SRP72: variants seen among roughly 807,000 people sequenced by gnomAD.
The protein encoded by SRP72 is signal recognition particle 72.
Under a neutral mutation model 96.3 loss-of-function variants are expected in SRP72, and 49 were observed. That is an observed-to-expected ratio of 0.51 (90% CI 0.40 to 0.65). The LOEUF is 0.65. Ranked by LOEUF, SRP72 falls within the 30% of genes least tolerant of loss-of-function variation. SRP72 has a pLI of 0.00. For missense variants in SRP72, 736 were observed against 793.3 expected (o/e 0.93, Z 0.87); for synonymous variants, 267 against 275.2 (o/e 0.97, Z 0.30).
chr4:56,491,456 G>C lies in SRP72; in HGVS notation c.1528G>C (p.Asp510His). 1 of 1,613,936 alleles carries C rather than the reference G, an allele frequency of 6.2e-7. No individual in the cohort carries two copies. Residue 510 changes from aspartate to histidine, a missense_variant, in exon 16 of 19, where the codon GAT becomes CAT. Asp to His is a moderately conservative substitution (Grantham distance 81). Coordinates refer to ENST00000642900, the MANE Select transcript of SRP72 (RefSeq NM_006947.4). The stretch of plus-strand genomic sequence containing the variant: ...TCTTAGTAAACACTTGCCATCGTCA[G>C]ATAGTATGTCTCTAAAAGTAGATGT... ...KALSKHLPSS[D>H]SMSLKVDVEA...
At chr4:56,496,796 T>TGGCCA (rs2110131704) in intron 17 of SRP72, among the ~76,000 whole-genome samples, 1 of 152,276 alleles carries the variant, frequency 6.6e-6, no homozygotes, top group East Asian at 1.9e-4. Context: ...GAGACCAGCC[T>TGGCCA]GGCCAACCTG....
chr4:56,501,117 A>T (rs956623462), intron 18 of SRP72, among the ~76,000 whole-genome samples: 4 of 152,080 alleles, frequency 2.6e-5, no homozygotes, highest in African/African-American at 7.2e-5. Flanking sequence ...ATTTTAAAAA[A>T]TTTTTTCTGG....
chr4:56,493,639 C>T (rs1038940440), intron 16 of SRP72, among the ~76,000 whole-genome samples: 2 of 151,814 alleles, frequency 1.3e-5, no homozygotes, highest in South Asian at 2.1e-4. Flanking sequence ...CCAAGGCAGG[C>T]GGATTACTTG....
intron 5 of SRP72, chr4:56,475,842 A>T (rs1720196605): frequency 6.6e-6 from 1 of 152,238 alleles, no homozygotes; most frequent in African/African-American, 2.4e-5. Flanking sequence ...ATGATTAGAT[A>T]AATTTACGTA....
At position 56,478,597 on chromosome 4, in the gene SRP72, C is replaced by A; in HGVS notation, c.773C>A (p.Thr258Lys). Residue 258 changes from threonine (T) to lysine (K), a missense_variant, in exon 8 of 19, where the codon ACA becomes AAA. Thr to Lys is a moderately conservative substitution (Grantham distance 78). This residue lies in a region of SRP72 where 329 missense variants were observed against 319.0 expected (regional missense o/e 1.03). Coordinates refer to ENST00000642900, the MANE Select transcript of SRP72 (RefSeq NM_006947.4). ...LYNQIIKLKPTDVGLLAVIAN... is the reference protein window; with the variant it reads ...LYNQIIKLKPKDVGLLAVIAN... ...CTGTTGCTTGTTGTTCACAGACCAACAGATGTGGGATTACTAGCTGTAATT... is the reference window on the plus strand; with the variant it reads ...CTGTTGCTTGTTGTTCACAGACCAAAAGATGTGGGATTACTAGCTGTAATT... The A allele has an allele frequency of 6.2e-7, 1 of 1,614,018 alleles. No individual in the cohort carries two copies. Among genetic ancestry groups the A allele is most frequent in the Admixed American group, 1.7e-5 (1 of 60,010 alleles).
intron 18 of SRP72, among the ~76,000 whole-genome samples, chr4:56,501,045 A>G (rs1721246662): frequency 6.6e-6 from 1 of 152,216 alleles, no homozygotes; most frequent in Middle Eastern, 3.2e-3. Flanking sequence ...ATGTAAATAA[A>G]TAATATGACT....
At chr4:56,480,521 A>C (rs546279044) in intron 8 of SRP72, among the ~76,000 whole-genome samples, 1 of 152,192 alleles carries the variant, frequency 6.6e-6, no homozygotes, top group African/African-American at 2.4e-5. Flanking sequence ...CAGCCTCCCA[A>C]AGTGTTGGGA....
At chr4:56,469,850 CAACT>C in intron 2 of SRP72, 77 bp downstream of exon 2, 1 of 1,311,528 alleles carries the variant, frequency 7.6e-7, no homozygotes, top group African/African-American at 1.5e-5. Flanking sequence ...TGTTTTTTCC[CAACT>C]ATTTGCTGAT....
At chr4:56,500,828 A>G in intron 18 of SRP72, 133 bp downstream of exon 18, 1 of 852,658 alleles carries the variant, frequency 1.2e-6, no homozygotes, top group East Asian at 2.8e-5. Flanking sequence ...TTTATACTAC[A>G]CTTATGCAAA....
rs1349598272 is a variant in SRP72, at chr4:56,502,426, T to G, written c.*565T>G. 6.8e-6 allele frequency: 1 copy of G among 146,438 alleles called. No individual in the cohort carries two copies. Among genetic ancestry groups the G allele is most frequent in the Non-Finnish European group, 1.5e-5 (1 of 66,796 alleles). The allele number at this position is 146,438 out of a possible 1,614,324, so 9.1% of individuals were successfully genotyped here. On this transcript the variant is annotated 3_prime_UTR_variant, in exon 19 of 19. Coordinates refer to ENST00000642900, the MANE Select transcript of SRP72 (RefSeq NM_006947.4). Reference sequence around the variant, plus strand: ...TCTTAAATAATTTAACCATAAATTTTCTGTCATGTGATACTGGAATATGGG... The same window carrying G: ...TCTTAAATAATTTAACCATAAATTTGCTGTCATGTGATACTGGAATATGGG...
chr4:56,472,767 C>T (rs1206853787), intron 3 of SRP72, among the ~76,000 whole-genome samples: 1 of 151,938 alleles, frequency 6.6e-6, no homozygotes, highest in African/African-American at 2.4e-5. Context: ...TGGACAAATT[C>T]ATGGATTGTA....
At chr4:56,474,526 T>A in intron 5 of SRP72, 135 bp downstream of exon 5, 1 of 789,566 alleles carries the variant, frequency 1.3e-6, no homozygotes, top group Non-Finnish European at 2.0e-6. Context: ...TCCAAGTTCC[T>A]GTCGTCTTTC....
chr4:56,483,679 A>G (rs1720589195), intron 9 of SRP72, among the ~76,000 whole-genome samples: 1 of 152,188 alleles, frequency 6.6e-6, no homozygotes, highest in East Asian at 1.9e-4. Context: ...AAAAGAAAAA[A>G]AAAAAAGAAA....
Position 56,474,049 on chromosome 4 carries a change from T to C in SRP72, c.355-5T>C. The C allele has an allele frequency of 1.2e-6, 2 of 1,603,962 alleles. No homozygotes were observed. The highest frequency in any genetic ancestry group is 1.7e-6 in the Non-Finnish European group (2 of 1,176,626). ...CTGATTTTTTACTTGCTATTTATTA[T>C]TCAGTTATACCGTTTGGAACGCTAT... On this transcript the variant is annotated splice_polypyrimidine_tract_variant and splice_region_variant and intron_variant, in intron 3 of 18. Transcript: ENST00000642900.
chr4:56,476,078 G>T (rs1297811510), intron 5 of SRP72: 1 of 153,312 alleles, frequency 6.5e-6, no homozygotes, highest in Non-Finnish European at 1.4e-5. Flanking sequence ...TTTCAAAATA[G>T]TATGCACCGT....
chr4:56,477,823 G>C (rs1270760939), intron 6 of SRP72, among the ~76,000 whole-genome samples: 2 of 152,124 alleles, frequency 1.3e-5, no homozygotes, highest in Non-Finnish European at 2.9e-5. Flanking sequence ...TCGGTTAAGA[G>C]AGCTACTACT....
At chr4:56,491,312 T>C (rs1349034543) in intron 15 of SRP72, 119 bp from the exon 16 acceptor site, 1 of 1,233,684 alleles carries the variant, frequency 8.1e-7, no homozygotes, top group Non-Finnish European at 1.1e-6. Context: ...TTGCTTTTGT[T>C]GAAGGTCATC....
At chr4:56,471,276 C>T (rs949278596) in intron 2 of SRP72, among the ~76,000 whole-genome samples, 1 of 152,242 alleles carries the variant, frequency 6.6e-6, no homozygotes, top group East Asian at 1.9e-4. Context: ...ATTACAGGTA[C>T]TTCTTTTAAG....
intron 3 of SRP72, among the ~76,000 whole-genome samples, chr4:56,473,504 C>A (rs1310167705): frequency 6.6e-6 from 1 of 150,930 alleles, no homozygotes; most frequent in Non-Finnish European, 1.5e-5. Flanking sequence ...TGCGGTGGCT[C>A]ACGCCTGTAA....
Sources: gnomAD v4.1 joint callset for allele counts (sites outside exome capture counted in the v4.1 genomes callset) on GRCh38, gnomAD v4.1.1 for gene constraint, gnomAD v4.1.1 regional missense constraint, MANE v1.5 for transcripts, NCBI Gene and HGNC (gene_info 2026-07-23, HGNC 2026-07-21) for gene names.